EXOC4: variants seen among roughly 807,000 people sequenced by gnomAD.
EXOC4 encodes the protein exocyst complex component 4.
In EXOC4, 71 loss-of-function variants were observed where a neutral mutation model predicts 107.2. The observed-to-expected ratio is 0.66, with a 90% CI of 0.55 to 0.81. The LOEUF (loss-of-function observed/expected upper bound fraction) is 0.81. Among genes scored for constraint, EXOC4 ranks in the 30% least tolerant of loss-of-function variants. The pLI, the probability that EXOC4 is intolerant of heterozygous loss-of-function variation, is 0.00. For missense variants in EXOC4, 1,108 were observed against 1,189.6 expected (o/e 0.93, Z 1.01); for synonymous variants, 456 against 441.2 (o/e 1.03, Z -0.42).
chr7:134,029,408 G>A (rs752322445), intron 17 of EXOC4, among the ~76,000 whole-genome samples: 5 of 152,226 alleles, frequency 3.3e-5, no homozygotes, highest in African/African-American at 4.8e-5. Flanking sequence ...AAGTAGATTA[G>A]TGTTCACTTT....
intron 10 of EXOC4, among the ~76,000 whole-genome samples, chr7:133,749,418 A>T (rs1195711116): frequency 6.6e-6 from 1 of 152,040 alleles, no homozygotes; most frequent in Non-Finnish European, 1.5e-5. Flanking sequence ...TTTGAGCCAG[A>T]GTCTCACTCT....
rs988436152 is a variant in EXOC4, at chr7:133,805,629, T to C, written c.1515-11696T>C. 2.6e-5 allele frequency among the ~76,000 whole-genome samples: 4 copies of C among 152,204 alleles called. No individual in the cohort carries two copies. The East Asian group carries it at 7.7e-4, about 29-fold the overall frequency. On this transcript the variant is annotated intron_variant, in intron 10 of 17. Transcript: ENST00000253861. ...AAGGGAGAAGGGCCTCTGGAGGAAG[T>C]GACATCTAAGCTAGTGGCCACAGGA... is the stretch of plus-strand genomic sequence containing the variant.
intron 4 of EXOC4, among the ~76,000 whole-genome samples, chr7:133,312,129 A>G (rs1794886575): frequency 6.6e-6 from 1 of 152,160 alleles, no homozygotes; most frequent in South Asian, 2.1e-4. Context: ...CATTGTTGGT[A>G]AGAAGAACAA....
intron 10 of EXOC4, among the ~76,000 whole-genome samples, chr7:133,798,514 A>G (rs1796863204): frequency 6.7e-6 from 1 of 149,872 alleles, no homozygotes; most frequent in Non-Finnish European, 1.5e-5. Flanking sequence ...CACTGTTTAT[A>G]GACACGAGGT....
intron 9 of EXOC4, among the ~76,000 whole-genome samples, chr7:133,515,300 G>C (rs149373592): frequency 6.6e-6 from 1 of 151,398 alleles, no homozygotes; most frequent in Non-Finnish European, 1.5e-5. Context: ...TCCAACCATG[G>C]AGATTACTCC....
At position 133,604,707 on chromosome 7, in the gene EXOC4, TTTC is replaced by T. The variant is rs376874511; in HGVS notation, c.1418-25335_1418-25333del. On this transcript the variant is annotated intron_variant, in intron 9 of 17. Transcript: ENST00000253861. ...TTTTCTTTCCTTCCTTCCTTCCTTC[TTTC>T]TTTTTTTTTTTTTTTTTTTTTTTTT... Among the ~76,000 whole-genome samples the T allele has an allele frequency of 8.7e-4, 98 of 112,022 alleles. 9 individuals are homozygous for T. The highest frequency in any genetic ancestry group is 1.7e-3 in the African/African-American group (42 of 24,600). The allele number at this position is 112,022 out of a possible 152,430, so 73.5% of individuals were successfully genotyped here. A position where few individuals can be genotyped will look rare whatever the true frequency, so the allele number is the denominator to read the frequency against.
In EXOC4 at chr7:133,389,482, A is replaced by G. The variant is rs543166343; in HGVS notation, c.1182+14480A>G. 2.1e-4 allele frequency among the ~76,000 whole-genome samples: 31 copies of G among 149,744 alleles called. 1 individual carries two copies. The East Asian group carries it at 6.1e-3, about 30-fold the overall frequency. On this transcript the variant is annotated intron_variant, in intron 7 of 17. Transcript: ENST00000253861. ...CAGCTACTTGGGAGGCTGAGGCAGG[A>G]GAATCGCTTGAACCCAGGAGGCGGA...
chr7:134,035,045 A>ATT (rs1795356944), intron 17 of EXOC4, among the ~76,000 whole-genome samples: 1 of 135,984 alleles, frequency 7.4e-6, no homozygotes, highest in African/African-American at 2.8e-5. Flanking sequence ...TCTTTTCTTT[A>ATT]CTTTTTTTTT....
At chr7:133,608,102 T>C (rs898026978) in intron 9 of EXOC4, among the ~76,000 whole-genome samples, 12 of 152,216 alleles carry the variant, frequency 7.9e-5, no homozygotes, top group African/African-American at 2.7e-4. Context: ...TAATAGAATT[T>C]TCCTGGGGGT....
intron 3 of EXOC4, among the ~76,000 whole-genome samples, chr7:133,297,861 T>C (rs1794553237): frequency 6.6e-6 from 1 of 152,194 alleles, no homozygotes; most frequent in South Asian, 2.1e-4. Flanking sequence ...CACACTTGAG[T>C]GTACAGGAAG....
chr7:133,443,779 A>G (rs1316899162), intron 7 of EXOC4, among the ~76,000 whole-genome samples: 1 of 152,134 alleles, frequency 6.6e-6, no homozygotes, highest in Non-Finnish European at 1.5e-5. Context: ...TATTCCCAGA[A>G]AGGTCATTTG....
intron 9 of EXOC4, among the ~76,000 whole-genome samples, chr7:133,499,781 A>G (rs995827025): frequency 5.3e-5 from 8 of 152,226 alleles, no homozygotes; most frequent in Admixed American, 1.3e-4. Context: ...TGCTCATGCC[A>G]TGTAAGAAGC....
intron 9 of EXOC4, among the ~76,000 whole-genome samples, chr7:133,517,641 C>T (rs545438823): frequency 5.9e-5 from 9 of 152,168 alleles, no homozygotes; most frequent in East Asian, 5.8e-4. Context: ...TCAGATCTTG[C>T]GAGACTTATT....
At chr7:133,439,182 C>CTTTTTTTTTTTTTTTTTT (rs35280420) in intron 7 of EXOC4, among the ~76,000 whole-genome samples, 1 of 94,066 alleles carries the variant, frequency 1.1e-5, no homozygotes, top group East Asian at 3.5e-4. Context: ...TTCATCAGTT[C>CTTTTTTTTTTTTTTTTTT]TTTTTTTTTT....
Position 134,004,953 on chromosome 7 carries a change from G to T in EXOC4, c.2390G>T (p.Gly797Val). 1 of 1,613,440 alleles carries T rather than the reference G, an allele frequency of 6.2e-7. No homozygotes were observed. Among genetic ancestry groups the T allele is most frequent in the African/African-American group, 1.3e-5 (1 of 74,962 alleles). ...TATCTTATCCCTCTTGCAAAGGAGG[G>T]GAACTATGCCATTGTGGCTAATGTG... ...FHYLIPLAKEGNYAIVANVES... is the reference protein window; with the variant it reads ...FHYLIPLAKEVNYAIVANVES... Residue 797 changes from glycine to valine, a missense_variant, in exon 16 of 18, where the codon GGG (glycine) becomes GTG (valine). Coordinates refer to ENST00000253861, the MANE Select transcript of EXOC4 (RefSeq NM_021807.4).
rs1401434035 is a variant in EXOC4, at chr7:133,288,915, A to G, written c.277-7A>G. On this transcript the variant is annotated splice_region_variant and splice_polypyrimidine_tract_variant and intron_variant, in intron 2 of 17. Transcript: ENST00000253861. ...ACTGACCCAAGACCGAATCTGTTTT[A>G]TTGTAGGTAAAAGAGAACCTGCTTT... 1.2e-6 allele frequency: 2 copies of G among 1,613,784 alleles called. No homozygotes were observed. The highest frequency in any genetic ancestry group is 1.7e-5 in the Admixed American group (1 of 60,022).
At chr7:133,580,740 C>T (rs1801246662) in intron 9 of EXOC4, among the ~76,000 whole-genome samples, 1 of 151,566 alleles carries the variant, frequency 6.6e-6, no homozygotes, top group Non-Finnish European at 1.5e-5. Flanking sequence ...AGATAACTGT[C>T]CTTTCTTTTG....
intron 9 of EXOC4, among the ~76,000 whole-genome samples, chr7:133,491,978 A>T (rs1241293113): frequency 6.6e-6 from 1 of 152,204 alleles, no homozygotes; most frequent in Admixed American, 6.5e-5. Context: ...TTGAACATAG[A>T]CATGGAAGAC....
At chr7:133,583,068 G>A (rs1585012641) in intron 9 of EXOC4, among the ~76,000 whole-genome samples, 1 of 152,166 alleles carries the variant, frequency 6.6e-6, no homozygotes, top group Non-Finnish European at 1.5e-5. Context: ...TATTCACTGA[G>A]TTGTACAGCC....
Sources: allele counts gnomAD v4.1 joint callset (sites outside exome capture counted in the v4.1 genomes callset), GRCh38; gene constraint gnomAD v4.1.1; transcripts MANE v1.5; gene names NCBI Gene and HGNC (gene_info 2026-07-23, HGNC 2026-07-21).